Variants in LAMA2 observed in about 807,000 individuals in gnomAD.
The protein encoded by LAMA2 is laminin subunit alpha 2.
A neutral mutation model predicts 364.8 loss-of-function variants in LAMA2; 269 were observed. The ratio of observed to expected loss-of-function variants is 0.74; its 90% confidence interval spans 0.67 to 0.82. The LOEUF (loss-of-function observed/expected upper bound fraction) is 0.82. Among genes scored for constraint, LAMA2 ranks in the 40% least tolerant of loss-of-function variants. The pLI, the probability that LAMA2 is intolerant of heterozygous loss-of-function variation, is 0.00. For synonymous variants in LAMA2, 1,379 were observed against 1,370.6 expected (o/e 1.01, Z -0.14); for missense variants, 3,807 against 3,873.2 (o/e 0.98, Z 0.45).
chr6:129,407,135 T>C (rs1031552978), intron 40 of LAMA2, among the ~76,000 whole-genome samples: 27 of 152,142 alleles, frequency 1.8e-4, no homozygotes, highest in African/African-American at 6.0e-4. Context: ...CCCACCCACA[T>C]TGAGGGTGGG....
chr6:129,206,979 T>G (rs1271041861), intron 12 of LAMA2, among the ~76,000 whole-genome samples: 1 of 152,194 alleles, frequency 6.6e-6, no homozygotes, highest in South Asian at 2.1e-4. Flanking sequence ...AATAGCTTAT[T>G]ATGATGATAA....
At chr6:129,062,971 ATTTG>A (rs1789036291) in intron 3 of LAMA2, among the ~76,000 whole-genome samples, 1 of 150,044 alleles carries the variant, frequency 6.7e-6, no homozygotes, top group Non-Finnish European at 1.5e-5. Context: ...AAAAATAGCA[ATTTG>A]TTTGGAAGAA....
At chr6:129,184,705 T>C (rs574347437) in intron 10 of LAMA2, among the ~76,000 whole-genome samples, 1 of 151,978 alleles carries the variant, frequency 6.6e-6, no homozygotes, top group African/African-American at 2.4e-5. Flanking sequence ...TCCTTGGCAC[T>C]GAATCCCTAC....
At chr6:128,951,295 G>A (rs1160849677) in intron 1 of LAMA2, among the ~76,000 whole-genome samples, 2 of 152,124 alleles carry the variant, frequency 1.3e-5, no homozygotes, top group Admixed American at 6.6e-5. Flanking sequence ...AGGATTCAAT[G>A]TGGTAACAGG....
intron 4 of LAMA2, among the ~76,000 whole-genome samples, chr6:129,139,957 G>A (rs1223317177): frequency 1.3e-5 from 2 of 152,024 alleles, no homozygotes; most frequent in Non-Finnish European, 2.9e-5. Flanking sequence ...ATCCACTTCT[G>A]CTACTTATTT....
At chr6:128,988,223 A>G (rs1356854689) in intron 1 of LAMA2, among the ~76,000 whole-genome samples, 1 of 152,202 alleles carries the variant, frequency 6.6e-6, no homozygotes, top group African/African-American at 2.4e-5. Context: ...TTGGATATCT[A>G]CAAAAGTTAT....
chr6:129,410,255 A>G (rs372792815), intron 40 of LAMA2, among the ~76,000 whole-genome samples: 2 of 151,634 alleles, frequency 1.3e-5, no homozygotes, highest in East Asian at 1.9e-4. Flanking sequence ...TCTCTAAGTC[A>G]GTGGAATAGT....
At chr6:129,308,325 C>T (rs1286398699) in intron 22 of LAMA2, among the ~76,000 whole-genome samples, 1 of 152,188 alleles carries the variant, frequency 6.6e-6, no homozygotes, top group Non-Finnish European at 1.5e-5. Flanking sequence ...CACCATATCA[C>T]TTGGACTCAG....
chr6:129,415,296 A>AT (rs1174520422), intron 40 of LAMA2, among the ~76,000 whole-genome samples: 1 of 151,910 alleles, frequency 6.6e-6, no homozygotes, highest in Non-Finnish European at 1.5e-5. Flanking sequence ...ACTCCCTTTG[A>AT]TTTTTTTTCA....
At chr6:129,494,284 C>T (rs921136161) in intron 58 of LAMA2, among the ~76,000 whole-genome samples, 1 of 152,230 alleles carries the variant, frequency 6.6e-6, no homozygotes, top group South Asian at 2.1e-4. Flanking sequence ...GAGCAATGTG[C>T]TCCTTGCACT....
intron 62 of LAMA2, 51 bp downstream of exon 62, chr6:129,507,693 T>TAGCAAG: frequency 3.2e-6 from 5 of 1,562,530 alleles, no homozygotes; most frequent in Non-Finnish European, 4.4e-6. Flanking sequence ...ATACAAATAC[T>TAGCAAG]AACTTCTTGC....
At chr6:129,400,441 G>A (rs556698946) in intron 37 of LAMA2, among the ~76,000 whole-genome samples, 61 of 152,226 alleles carry the variant, frequency 4.0e-4, no homozygotes, top group African/African-American at 1.4e-3. Flanking sequence ...AAATGAATTA[G>A]CATTATTGTC....
At chr6:128,918,186 C>A (rs933129271) in intron 1 of LAMA2, among the ~76,000 whole-genome samples, 16 of 152,136 alleles carry the variant, frequency 1.1e-4, no homozygotes, top group Admixed American at 9.8e-4. Flanking sequence ...TATAATTATT[C>A]TTCTTCCCAA....
At chr6:129,306,006 C>T (rs1447476077) in intron 22 of LAMA2, among the ~76,000 whole-genome samples, 1 of 151,942 alleles carries the variant, frequency 6.6e-6, no homozygotes, top group Non-Finnish European at 1.5e-5. Flanking sequence ...GCGTAAGAAC[C>T]TTACAACAGG....
intron 7 of LAMA2, among the ~76,000 whole-genome samples, chr6:129,153,401 C>G (rs534867870): frequency 1.3e-5 from 2 of 152,266 alleles, no homozygotes; most frequent in Non-Finnish European, 2.9e-5. Context: ...CACCCACATC[C>G]AAGACAGTTG....
At chr6:129,007,447 A>C (rs541334857) in intron 1 of LAMA2, among the ~76,000 whole-genome samples, 1 of 152,170 alleles carries the variant, frequency 6.6e-6, no homozygotes, top group Non-Finnish European at 1.5e-5. Flanking sequence ...TGAGGATTCT[A>C]GATGCTATTC....
intron 2 of LAMA2, among the ~76,000 whole-genome samples, chr6:129,057,180 G>T (rs754445352): frequency 6.6e-6 from 1 of 152,108 alleles, no homozygotes. Context: ...ATTCAAAACA[G>T]TGTACATTTT....
At chr6:129,066,047 T>TTTTTTTTTTTTCTC (rs1789296993) in intron 3 of LAMA2, among the ~76,000 whole-genome samples, 1 of 81,864 alleles carries the variant, frequency 1.2e-5, no homozygotes, top group African/African-American at 3.9e-5. Flanking sequence ...GGTTTTTTTT[T>TTTTTTTTTTTTCTC]TTTTTTTTTT....
chr6:129,431,666 T>G (rs1361482297), intron 41 of LAMA2, among the ~76,000 whole-genome samples: 1 of 152,094 alleles, frequency 6.6e-6, no homozygotes, highest in Non-Finnish European at 1.5e-5. Context: ...CTTTATAAAC[T>G]AAAAAAAGAA....
Sources: gnomAD v4.1 joint callset for allele counts (sites outside exome capture counted in the v4.1 genomes callset) on GRCh38, gnomAD v4.1.1 for gene constraint, MANE v1.5 for transcripts, NCBI Gene and HGNC (gene_info 2026-07-23, HGNC 2026-07-21) for gene names.